The following FTO variants were observed in gnomAD, a reference collection of about 807,000 sequenced individuals.
FTO encodes FTO alpha-ketoglutarate dependent dioxygenase.
A neutral mutation model predicts 63.9 loss-of-function variants in FTO; 47 were observed. The ratio of observed to expected loss-of-function variants is 0.74; its 90% CI spans 0.58 to 0.94. FTO has a LOEUF of 0.94. FTO is among the 40% of genes least tolerant of loss of function. FTO has a pLI of 0.00. For missense variants in FTO, 562 were observed against 618.1 expected (o/e 0.91, Z 0.96); for synonymous variants, 207 against 224.4 (o/e 0.92, Z 0.69).
intron 8 of FTO, among the ~76,000 whole-genome samples, chr16:53,960,988 G>A (rs2083066168): frequency 6.6e-6 from 1 of 152,106 alleles, no homozygotes; most frequent in South Asian, 2.1e-4. Context: ...ATTCTATCTT[G>A]GACTGGATCT....
chr16:53,734,351 C>G (rs1002771096), intron 1 of FTO, among the ~76,000 whole-genome samples: 7 of 152,150 alleles, frequency 4.6e-5, no homozygotes. Flanking sequence ...ATGTTATAAA[C>G]TCTCTGTACA....
intron 8 of FTO, among the ~76,000 whole-genome samples, chr16:54,069,053 TA>T (rs1254263830): frequency 2.6e-5 from 4 of 152,202 alleles, no homozygotes; most frequent in Non-Finnish European, 4.4e-5. Context: ...TGATCATGAT[TA>T]TTTTTTTACA....
intron 4 of FTO, among the ~76,000 whole-genome samples, chr16:53,865,079 T>C (rs1359062212): frequency 6.6e-6 from 1 of 152,144 alleles, no homozygotes; most frequent in Non-Finnish European, 1.5e-5. Context: ...AAGGTGGTGA[T>C]TTTTCCCCTA....
chr16:53,884,514 A>G (rs906709864), intron 6 of FTO, among the ~76,000 whole-genome samples: 2 of 152,176 alleles, frequency 1.3e-5, no homozygotes, highest in African/African-American at 4.8e-5. Context: ...TTACAGTGAG[A>G]CATTAATCCC....
At chr16:53,730,445 AT>A (rs2151510130) in intron 1 of FTO, among the ~76,000 whole-genome samples, 1 of 151,938 alleles carries the variant, frequency 6.6e-6, no homozygotes, top group African/African-American at 2.4e-5. Flanking sequence ...CATTTTTCCA[AT>A]TATACTGTAT....
At chr16:53,938,488 G>A (rs1319876413) in intron 8 of FTO, among the ~76,000 whole-genome samples, 1 of 152,198 alleles carries the variant, frequency 6.6e-6, no homozygotes, top group African/African-American at 2.4e-5. Flanking sequence ...TTCTTTTGCA[G>A]AGATGAGTGG....
chr16:53,950,574 G>A lies in FTO; in HGVS notation c.1364+16465G>A, dbSNP rs916068517. Among the ~76,000 whole-genome samples, 12 of 152,276 alleles carry A rather than the reference G, an allele frequency of 7.9e-5. No individual in the cohort carries two copies. The East Asian group carries it at 9.6e-4, about 12-fold the overall frequency. ...ATACATTTAAAAAATTTTAATCCACGTGGAAGTATTTCTTTCCTGTTCTTA... is the reference window on the plus strand; with the variant it reads ...ATACATTTAAAAAATTTTAATCCACATGGAAGTATTTCTTTCCTGTTCTTA... On this transcript the variant is annotated intron_variant, in intron 8 of 8. Coordinates refer to ENST00000471389, the MANE Select transcript of FTO (RefSeq NM_001080432.3).
chr16:54,077,708 A>G (rs1313373934), intron 8 of FTO, among the ~76,000 whole-genome samples: 1 of 152,136 alleles, frequency 6.6e-6, no homozygotes, highest in Non-Finnish European at 1.5e-5. Context: ...CAGAGAGGAA[A>G]GAATGGTGAG....
rs1445899320 is a variant in FTO, at chr16:53,879,988, G to T, written c.1119+1G>T. 6.2e-7 allele frequency: 1 copy of T among 1,610,376 alleles called. No homozygotes were observed. The highest frequency in any genetic ancestry group is 8.5e-7 in the Non-Finnish European group (1 of 1,177,390). On this transcript the variant is annotated splice_donor_variant, in intron 6 of 8. Transcript: ENST00000471389. LOFTEE classifies it high-confidence loss of function. ...ACAAGGAGAAGAAATTCATAATGAG[G>T]TAAGGACTTTCTTTTTTTTTTTTTG...
intron 4 of FTO, among the ~76,000 whole-genome samples, chr16:53,867,472 A>G (rs2080352991): frequency 6.6e-6 from 1 of 151,202 alleles, no homozygotes; most frequent in South Asian, 2.1e-4. Flanking sequence ...ACAACAATGT[A>G]TTCAATTATG....
intron 2 of FTO, among the ~76,000 whole-genome samples, chr16:53,822,626 T>C (rs1464356323): frequency 1.3e-5 from 2 of 152,194 alleles, no homozygotes; most frequent in Admixed American, 1.3e-4. Flanking sequence ...AGTGTGCTGG[T>C]GGTAGTACTC....
intron 3 of FTO, among the ~76,000 whole-genome samples, chr16:53,832,710 C>G (rs990995944): frequency 6.6e-6 from 1 of 152,096 alleles, no homozygotes; most frequent in Non-Finnish European, 1.5e-5. Context: ...GTAGCTCATT[C>G]CCTTGTATCC....
intron 1 of FTO, among the ~76,000 whole-genome samples, chr16:53,784,737 G>A (rs1213590917): frequency 2.0e-5 from 3 of 152,134 alleles, no homozygotes; most frequent in Non-Finnish European, 4.4e-5. Flanking sequence ...GATAAATGAT[G>A]TTCCTTATGT....
At chr16:53,995,561 G>A (rs2083916028) in intron 8 of FTO, among the ~76,000 whole-genome samples, 1 of 152,182 alleles carries the variant, frequency 6.6e-6, no homozygotes, top group Non-Finnish European at 1.5e-5. Context: ...CCACACCAGT[G>A]TTATGCTGGC....
At chr16:53,851,312 A>T (rs1162299299) in intron 4 of FTO, among the ~76,000 whole-genome samples, 2 of 148,536 alleles carry the variant, frequency 1.3e-5, no homozygotes, top group African/African-American at 5.0e-5. Flanking sequence ...AAAAAAAATT[A>T]GCCAGGTGTG....
At chr16:54,041,681 TC>T (rs1283527958) in intron 8 of FTO, among the ~76,000 whole-genome samples, 2 of 152,136 alleles carry the variant, frequency 1.3e-5, no homozygotes, top group African/African-American at 2.4e-5. Flanking sequence ...GGCTTGTGAT[TC>T]CCAGGATGTC....
chr16:53,974,208 G>A (rs2083388548), intron 8 of FTO, among the ~76,000 whole-genome samples: 1 of 152,106 alleles, frequency 6.6e-6, no homozygotes. Context: ...CTACACCTCA[G>A]TTTTTTTCAC....
chr16:53,892,328 A>G (rs2081169744), intron 7 of FTO, among the ~76,000 whole-genome samples: 1 of 152,150 alleles, frequency 6.6e-6, no homozygotes. Context: ...GCATACAAAA[A>G]TACCATTAAC....
chr16:54,089,357 G>C (rs1455426565), intron 8 of FTO, among the ~76,000 whole-genome samples: 2 of 152,216 alleles, frequency 1.3e-5, no homozygotes, highest in African/African-American at 4.8e-5. Context: ...GAGAATGGCA[G>C]AGATAGGGAA....
Sources: allele counts gnomAD v4.1 joint callset (sites outside exome capture counted in the v4.1 genomes callset), GRCh38; gene constraint gnomAD v4.1.1; transcripts MANE v1.5; gene names NCBI Gene and HGNC (gene_info 2026-07-23, HGNC 2026-07-21).